Variants in PABPC1 observed in about 807,000 individuals in gnomAD.
The protein encoded by PABPC1 is polyadenylate-binding protein 1.
A neutral mutation model predicts 74.0 loss-of-function variants in PABPC1; 4 were observed. The ratio of observed to expected loss-of-function variants is 0.05; its 90% CI spans 0.03 to 0.12. PABPC1 has a LOEUF of 0.12. Among genes scored for constraint, PABPC1 ranks in the 10% least tolerant of loss-of-function variants. The probability of loss-of-function intolerance (pLI) is 1.00; values close to 1 mark genes in which losing one functional copy is unlikely to be tolerated. For missense variants in PABPC1, 271 were observed against 821.1 expected (o/e 0.33, Z 8.19); for synonymous variants, 227 against 264.1 (o/e 0.86, Z 1.36).
intron 7 of PABPC1, among the ~76,000 whole-genome samples, chr8:100,711,163 C>T (rs1452615600): frequency 2.0e-5 from 3 of 152,098 alleles, no homozygotes; most frequent in African/African-American, 7.2e-5. Flanking sequence ...GCCTGTAATC[C>T]CAGCTACCCA....
rs1207633619 is a variant in PABPC1 at position 100,721,193 on chromosome 8, TG to T, written c.193+197del. ...TCGCAAAGGAGGAAGTAGCCGGGCG[TG>T]TGGCTGCCGGCAGCGCGGGTCCCCG... On this transcript the variant is annotated intron_variant, in intron 1 of 14. Coordinates refer to ENST00000318607, the MANE Select transcript of PABPC1 (RefSeq NM_002568.4). The surrounding 1 kb of genome is among the most constrained non-coding windows in gnomAD (Gnocchi z 7.4). Among the ~76,000 whole-genome samples the T allele has an allele frequency of 6.6e-6, 1 of 151,828 alleles. No individual in the cohort carries two copies. Among genetic ancestry groups the T allele is most frequent in the Non-Finnish European group, 1.5e-5 (1 of 67,892 alleles).
intron 14 of PABPC1, among the ~76,000 whole-genome samples, chr8:100,703,880 A>C (rs1173880510): frequency 6.6e-6 from 1 of 152,020 alleles, no homozygotes; most frequent in Non-Finnish European, 1.5e-5. Flanking sequence ...CAAAACCCCA[A>C]GTCTAGTAAA....
At chr8:100,709,976 C>CT in intron 7 of PABPC1, 1 of 384,062 alleles carries the variant, frequency 2.6e-6, no homozygotes, top group Non-Finnish European at 4.7e-6. Flanking sequence ...TGCACAGAAA[C>CT]TTTTAAAGAT....
At chr8:100,713,261 C>A (rs1445072473) in intron 4 of PABPC1, 80 bp from the exon 5 acceptor site, 2 of 831,736 alleles carry the variant, frequency 2.4e-6, no homozygotes, top group Admixed American at 3.6e-5. Flanking sequence ...CATACAAAGC[C>A]ATGAAAAAAA....
At chr8:100,707,280 G>T in intron 9 of PABPC1, 1 of 270,186 alleles carries the variant, frequency 3.7e-6, no homozygotes, top group South Asian at 3.7e-5. Flanking sequence ...AAAGACACGA[G>T]ACACAGAGAT....
intron 7 of PABPC1, among the ~76,000 whole-genome samples, chr8:100,711,565 G>A (rs1810528101): frequency 6.6e-6 from 1 of 152,204 alleles, no homozygotes; most frequent in Non-Finnish European, 1.5e-5. Context: ...GGAACACACT[G>A]AAGACAAAAA....
chr8:100,720,469 T>C (rs1407720832), intron 1 of PABPC1, among the ~76,000 whole-genome samples: 1 of 152,210 alleles, frequency 6.6e-6, no homozygotes, highest in Non-Finnish European at 1.5e-5. Flanking sequence ...ATAAGACTGG[T>C]CCAGTTGGAA....
At position 100,718,409 on chromosome 8, in the gene PABPC1, T is replaced by A. The variant is rs189528886; in HGVS notation, c.194-129A>T. ...ACAGTTGAACGCTTCCTCTTTAAGC[T>A]TCAAGATGGCTAGACCTTTCAAGTA... On this transcript the variant is annotated intron_variant, in intron 1 of 14. Coordinates refer to ENST00000318607, the MANE Select transcript of PABPC1 (RefSeq NM_002568.4). 255 of 699,758 alleles carry A rather than the reference T, an allele frequency of 3.6e-4. No homozygotes were observed. The African/African-American group carries it at 4.0e-3, about 11-fold the overall frequency. 43.3% of individuals were successfully genotyped at this position (699,758 alleles called of 1,614,324 possible). A position where few individuals can be genotyped will look rare whatever the true frequency, so the allele number is the denominator to read the frequency against.
At chr8:100,720,163 G>GCCAGCCT (rs1353863110) in intron 1 of PABPC1, among the ~76,000 whole-genome samples, 1 of 152,146 alleles carries the variant, frequency 6.6e-6, no homozygotes, top group East Asian at 1.9e-4. Context: ...CCTGTAGGGG[G>GCCAGCCT]GGAAAAAGGC....
chr8:100,705,074 C>A lies in PABPC1; in HGVS notation c.1688-18G>T, dbSNP rs759896726. ...CCGTTCACCTAGGAACAGAAACATTCAAAAACTCCCTTCAATAAAAAAAAG... is the reference window on the plus strand; with the variant it reads ...CCGTTCACCTAGGAACAGAAACATTAAAAAACTCCCTTCAATAAAAAAAAG... On this transcript the variant is annotated intron_variant, in intron 12 of 14. Coordinates refer to ENST00000318607, the MANE Select transcript of PABPC1 (RefSeq NM_002568.4). 2.5e-6 allele frequency: 4 copies of A among 1,595,712 alleles called. No individual in the cohort carries two copies. The highest frequency in any genetic ancestry group is 3.4e-6 in the Non-Finnish European group (4 of 1,173,940).
intron 9 of PABPC1, among the ~76,000 whole-genome samples, chr8:100,707,647 G>A (rs933299935): frequency 1.3e-5 from 2 of 152,208 alleles, no homozygotes; most frequent in African/African-American, 2.4e-5. Flanking sequence ...GACTAGGAGC[G>A]TGACCACTGA....
chr8:100,712,501 G>A (rs777549349), intron 6 of PABPC1, 44 bp from the exon 7 acceptor site: 3 of 1,479,258 alleles, frequency 2.0e-6, no homozygotes, highest in Non-Finnish European at 2.8e-6. Context: ...AAACCATGGT[G>A]GTACCTAAGT....
chr8:100,719,091 CAATT>C (rs1224418674), intron 1 of PABPC1, among the ~76,000 whole-genome samples: 4 of 152,152 alleles, frequency 2.6e-5, no homozygotes, highest in Admixed American at 6.5e-5. Flanking sequence ...TCAAAATCTA[CAATT>C]AATTTCAGGA....
At chr8:100,705,696 T>C in intron 11 of PABPC1, 23 bp from the exon 12 acceptor site, 2 of 1,509,828 alleles carry the variant, frequency 1.3e-6, no homozygotes, top group Non-Finnish European at 1.8e-6. Flanking sequence ...TGAGAACTCT[T>C]AAGTTTAAAG....
rs945564981 is a variant in PABPC1 at position 100,709,819 on chromosome 8, T to A, written c.973-88A>T. 9 of 1,311,290 alleles carry A rather than the reference T, an allele frequency of 6.9e-6. No homozygotes were observed. The Admixed American group carries it at 1.4e-4, about 20-fold the overall frequency. 81.2% of individuals were successfully genotyped at this position (1,311,290 alleles called of 1,614,324 possible). The stretch of plus-strand genomic sequence containing the variant: ...TACAATTTAGACAATTATAAATCAC[T>A]GAATCAAATAACTAAACCCTGTTAA... On this transcript the variant is annotated intron_variant, in intron 7 of 14. Coordinates refer to ENST00000318607, the MANE Select transcript of PABPC1 (RefSeq NM_002568.4).
At chr8:100,716,939 C>T (rs1810686369) in intron 3 of PABPC1, among the ~76,000 whole-genome samples, 2 of 152,190 alleles carry the variant, frequency 1.3e-5, no homozygotes, top group Admixed American at 6.5e-5. Flanking sequence ...ACATATCATT[C>T]TTTTCTGGAT....
rs542654424 is a variant in PABPC1 at position 100,719,259 on chromosome 8, TAA to T, written c.194-981_194-980del. On this transcript the variant is annotated intron_variant, in intron 1 of 14. Coordinates refer to ENST00000318607, the MANE Select transcript of PABPC1 (RefSeq NM_002568.4). The stretch of plus-strand genomic sequence containing the variant: ...TACAAATTCCATGCCAATGTAAATT[TAA>T]AAGTTATTGACAGGATGAATTTTCC... 3.3e-3 allele frequency among the ~76,000 whole-genome samples: 506 copies of T among 152,344 alleles called. 9 individuals are homozygous for T. The highest frequency in any genetic ancestry group is 0.012 in the African/African-American group (489 of 41,588).
chr8:100,718,558 CGCCTT>C (rs1810731185), intron 1 of PABPC1, among the ~76,000 whole-genome samples: 1 of 152,192 alleles, frequency 6.6e-6, no homozygotes, highest in Non-Finnish European at 1.5e-5. Flanking sequence ...CGCAATCTCT[CGCCTT>C]AATTGCCATT....
rs200044801 is a variant in PABPC1 at position 100,712,799 on chromosome 8, A to C, written c.739-10T>G. The C allele has an allele frequency of 2.4e-4, 352 of 1,462,706 alleles. 1 individual carries two copies. The highest frequency in any genetic ancestry group is 1.3e-3 in the South Asian group (99 of 78,110). The allele number at this position is 1,462,706 out of a possible 1,614,324, so 90.6% of individuals were successfully genotyped here. A position where few individuals can be genotyped will look rare whatever the true frequency, so the allele number is the denominator to read the frequency against. On this transcript the variant is annotated splice_polypyrimidine_tract_variant and intron_variant, in intron 5 of 14. Transcript: ENST00000318607. ...TCATCTCATCCACAGCCTTCCCCCC[A>C]AAAAAAAAGAAAAAAAAAAAATCAC...
Sources: allele counts gnomAD v4.1 joint callset (sites outside exome capture counted in the v4.1 genomes callset), GRCh38; gene constraint gnomAD v4.1.1; non-coding constraint Gnocchi (gnomAD v3.1); transcripts MANE v1.5; gene names NCBI Gene and HGNC (gene_info 2026-07-23, HGNC 2026-07-21).